The following MCC variants were observed in gnomAD, a reference collection of about 807,000 sequenced individuals.
MCC encodes the protein colorectal mutant cancer protein.
A neutral mutation model predicts 116.2 loss-of-function variants in MCC; 90 were observed. The ratio of observed to expected loss-of-function variants is 0.77; its 90% CI spans 0.65 to 0.92. The LOEUF (loss-of-function observed/expected upper bound fraction) is 0.92. MCC is among the 40% of genes least tolerant of loss of function. The pLI, the probability that MCC is intolerant of heterozygous loss-of-function variation, is 0.00. For synonymous variants in MCC, 578 were observed against 510.5 expected (o/e 1.13, Z -1.78); for missense variants, 1,516 against 1,312.2 (o/e 1.16, Z -2.40).
intron 3 of MCC, among the ~76,000 whole-genome samples, chr5:113,213,733 G>A (rs1763212705): frequency 6.6e-6 from 1 of 152,120 alleles, no homozygotes; most frequent in Non-Finnish European, 1.5e-5. Context: ...AAAAAGTAAG[G>A]TTGGTTTCTA....
chr5:113,452,615 T>C (rs1378665422), intron 1 of MCC, among the ~76,000 whole-genome samples: 11 of 152,230 alleles, frequency 7.2e-5, no homozygotes, highest in Admixed American at 7.2e-4. Context: ...CTGTCTTTTA[T>C]AAGCTACCTG....
At chr5:113,407,835 C>G (rs1385548199) in intron 1 of MCC, among the ~76,000 whole-genome samples, 1 of 113,562 alleles carries the variant, frequency 8.8e-6, no homozygotes, top group African/African-American at 2.7e-5. Flanking sequence ...GTGTGTTGTT[C>G]CCCTCTCTGT....
At chr5:113,221,922 G>A (rs1398693993) in intron 3 of MCC, among the ~76,000 whole-genome samples, 1 of 151,588 alleles carries the variant, frequency 6.6e-6, no homozygotes, top group South Asian at 2.1e-4. Flanking sequence ...TTTCTCTATT[G>A]CAATTCCCCT....
chr5:113,329,028 C>T (rs1229038533), intron 3 of MCC, among the ~76,000 whole-genome samples: 1 of 152,192 alleles, frequency 6.6e-6, no homozygotes, highest in East Asian at 1.9e-4. Context: ...GGGTTCACAT[C>T]TCAGCCTGCT....
chr5:113,100,595 T>C (rs1025067572), intron 8 of MCC, among the ~76,000 whole-genome samples: 1 of 146,820 alleles, frequency 6.8e-6, no homozygotes, highest in African/African-American at 2.5e-5. Flanking sequence ...CCTCAGCCTC[T>C]CAAGTAGCTG....
chr5:113,202,088 C>A (rs180905535), intron 3 of MCC, among the ~76,000 whole-genome samples: 92 of 152,278 alleles, frequency 6.0e-4, no homozygotes, highest in African/African-American at 2.0e-3. Flanking sequence ...CCTGCTCAAC[C>A]CCAGCCTCCA....
At chr5:113,328,923 T>C (rs1404441199) in intron 3 of MCC, among the ~76,000 whole-genome samples, 1 of 152,096 alleles carries the variant, frequency 6.6e-6, no homozygotes, top group African/African-American at 2.4e-5. Flanking sequence ...GAAGAACAAA[T>C]GATTTCCCAA....
chr5:113,091,105 G>A lies in MCC; in HGVS notation c.1399-5795C>T, dbSNP rs188243150. Reference sequence around the variant, plus strand: ...CCATAGGTGAAAAGCTGAAAGTGCTGTCCACAGAAGGAATCCTGAGGCTGT... The same window carrying A: ...CCATAGGTGAAAAGCTGAAAGTGCTATCCACAGAAGGAATCCTGAGGCTGT... On this transcript the variant is annotated intron_variant, in intron 8 of 18. Coordinates refer to ENST00000408903, the MANE Select transcript of MCC (RefSeq NM_001085377.2). Among the ~76,000 whole-genome samples the A allele has an allele frequency of 8.7e-4, 132 of 152,348 alleles. 1 individual carries two copies. The highest frequency in any genetic ancestry group is 3.0e-3 in the African/African-American group (125 of 41,576).
chr5:113,136,894 T>A (rs376603562), intron 5 of MCC, among the ~76,000 whole-genome samples: 1 of 152,198 alleles, frequency 6.6e-6, no homozygotes, highest in East Asian at 1.9e-4. Context: ...CTGTTTTACG[T>A]TGGGTAACAG....
At chr5:113,090,486 A>C (rs981408257) in intron 8 of MCC, among the ~76,000 whole-genome samples, 3 of 152,258 alleles carry the variant, frequency 2.0e-5, no homozygotes, top group African/African-American at 7.2e-5. Context: ...GTACAAAATA[A>C]AAAAGGATTA....
Position 113,026,396 on chromosome 5 carries a change from C to A in MCC, c.*906G>T, listed in dbSNP as rs1160452527. ...GCACCCATGTGGAAGAGATTTGATT[C>A]AGCAGAACAGCAATTATGTAGTGCC... is the stretch of plus-strand genomic sequence containing the variant. On this transcript the variant is annotated 3_prime_UTR_variant, in exon 19 of 19. Transcript: ENST00000408903. 6.6e-6 allele frequency: 1 copy of A among 152,242 alleles called. No individual in the cohort carries two copies. Among genetic ancestry groups the A allele is most frequent in the Non-Finnish European group, 1.5e-5 (1 of 68,056 alleles). 9.4% of individuals were successfully genotyped at this position (152,242 alleles called of 1,614,324 possible). A position where few individuals can be genotyped will look rare whatever the true frequency, so the allele number is the denominator to read the frequency against.
At chr5:113,240,858 C>T (rs1040518428) in intron 3 of MCC, among the ~76,000 whole-genome samples, 1 of 152,158 alleles carries the variant, frequency 6.6e-6, no homozygotes, top group African/African-American at 2.4e-5. Flanking sequence ...GAGGACCAGA[C>T]CCTTATTCAC....
chr5:113,472,111 C>T (rs529380120), intron 1 of MCC, among the ~76,000 whole-genome samples: 47 of 152,242 alleles, frequency 3.1e-4, no homozygotes, highest in African/African-American at 1.0e-3. Context: ...TTGCATTTCC[C>T]GGGTGAGGCA....
intron 11 of MCC, among the ~76,000 whole-genome samples, chr5:113,073,425 G>A (rs1469571780): frequency 6.6e-6 from 1 of 152,188 alleles, no homozygotes; most frequent in Non-Finnish European, 1.5e-5. Context: ...ATCAGATCTT[G>A]TTTTTCCACA....
At chr5:113,207,540 A>C (rs1225231088) in intron 3 of MCC, among the ~76,000 whole-genome samples, 1 of 152,170 alleles carries the variant, frequency 6.6e-6, no homozygotes, top group Admixed American at 6.5e-5. Flanking sequence ...CTTACAAAAC[A>C]ATACTTATCT....
At chr5:113,422,433 A>AT (rs1302253653) in intron 1 of MCC, among the ~76,000 whole-genome samples, 1 of 152,132 alleles carries the variant, frequency 6.6e-6, no homozygotes, top group Non-Finnish European at 1.5e-5. Context: ...ATTTTAAGTT[A>AT]TTTTTGTCTT....
chr5:113,348,517 A>G (rs1475957966), intron 2 of MCC, among the ~76,000 whole-genome samples: 1 of 152,054 alleles, frequency 6.6e-6, no homozygotes, highest in Non-Finnish European at 1.5e-5. Flanking sequence ...CTCAAAACAA[A>G]TGATAATGGA....
chr5:113,409,773 C>A (rs889284304), intron 1 of MCC, among the ~76,000 whole-genome samples: 1 of 152,128 alleles, frequency 6.6e-6, no homozygotes, highest in African/African-American at 2.4e-5. Context: ...ATACTAAGGG[C>A]AATTTATGCA....
intron 1 of MCC, among the ~76,000 whole-genome samples, chr5:113,470,375 T>TG (rs1772050922): frequency 6.6e-6 from 1 of 151,126 alleles, no homozygotes. Flanking sequence ...AGGGCAGGCC[T>TG]GGTGGTGACA....
Sources: gnomAD v4.1 joint callset for allele counts (sites outside exome capture counted in the v4.1 genomes callset) on GRCh38, gnomAD v4.1.1 for gene constraint, MANE v1.5 for transcripts, NCBI Gene and HGNC (gene_info 2026-07-23, HGNC 2026-07-21) for gene names.